The following SLC2A5 variants were observed in gnomAD, a reference collection of about 807,000 sequenced individuals.
SLC2A5 encodes solute carrier family 2, facilitated glucose transporter member 5.
A neutral mutation model predicts 50.3 loss-of-function variants in SLC2A5; 56 were observed. The observed-to-expected ratio is 1.11, with a 90% CI of 0.90 to 1.39. The LOEUF (loss-of-function observed/expected upper bound fraction) is 1.39. SLC2A5 is among the 40% of genes most tolerant of loss of function. SLC2A5 has a pLI of 0.00. For missense variants in SLC2A5, 566 were observed against 650.1 expected (o/e 0.87, Z 1.41); for synonymous variants, 269 against 281.9 (o/e 0.95, Z 0.46).
chr1:9,084,137 G>C (rs1264104306), intron 2 of SLC2A5, among the ~76,000 whole-genome samples: 2 of 151,164 alleles, frequency 1.3e-5, no homozygotes, highest in Admixed American at 6.6e-5. Context: ...GCGAGACTCC[G>C]TCTCAAAAAA....
chr1:9,091,753 G>C (rs1642464187), upstream of SLC2A5, among the ~76,000 whole-genome samples: 2 of 151,876 alleles, frequency 1.3e-5, no homozygotes, highest in Admixed American at 1.3e-4. Context: ...TTTATAGATG[G>C]GAGCGCATCA....
intron 3 of SLC2A5, among the ~76,000 whole-genome samples, chr1:9,049,900 A>G (rs1641526659): frequency 6.6e-6 from 1 of 152,082 alleles, no homozygotes; most frequent in Admixed American, 6.6e-5. Context: ...ACTTTTGGAC[A>G]CTGAGGTAGG....
chr1:9,048,784 T>C (rs929518960), intron 3 of SLC2A5, among the ~76,000 whole-genome samples: 1 of 151,964 alleles, frequency 6.6e-6, no homozygotes, highest in Non-Finnish European at 1.5e-5. Context: ...GCCTTCCAAG[T>C]AGCTAGGATT....
At chr1:9,038,559 C>T (rs1237247220) in intron 9 of SLC2A5, 53 bp from the exon 10 acceptor site, 42 of 1,517,164 alleles carry the variant, frequency 2.8e-5, no homozygotes, top group Non-Finnish European at 5.5e-6. Flanking sequence ...AGGACGGGAC[C>T]CCAGGGGGCG....
intron 1 of SLC2A5, among the ~76,000 whole-genome samples, chr1:9,087,812 G>A (rs76908754): frequency 0.033 from 5,016 of 152,102 alleles, 131 homozygotes; most frequent in Non-Finnish European, 0.047. Context: ...CAGGTATTTC[G>A]CTCTCTAGCA....
intron 2 of SLC2A5, among the ~76,000 whole-genome samples, chr1:9,077,437 C>CAA (rs200379022): frequency 3.0e-4 from 36 of 118,456 alleles, no homozygotes; most frequent in African/African-American, 1.0e-3. Flanking sequence ...CACAAAAAAA[C>CAA]AAAAAAAAAA....
Position 9,037,353 on chromosome 1 carries a change from T to C in SLC2A5, c.*233A>G. On this transcript the variant is annotated 3_prime_UTR_variant, in exon 12 of 12. Coordinates refer to ENST00000377424, the MANE Select transcript of SLC2A5 (RefSeq NM_003039.3). ...ACCAGCAAAGTGGAGGACCAGCTGT[T>C]TAATTGACTCGGGTCTGGTGACAGG... 1 of 509,880 alleles carries C rather than the reference T, an allele frequency of 2.0e-6. No homozygotes were observed. Among genetic ancestry groups the C allele is most frequent in the Non-Finnish European group, 3.5e-6 (1 of 281,774 alleles). The allele number at this position is 509,880 out of a possible 1,614,324, so 31.6% of individuals were successfully genotyped here. A position where few individuals can be genotyped will look rare whatever the true frequency, so the allele number is the denominator to read the frequency against.
chr1:9,086,718 G>T (rs1385081455), intron 1 of SLC2A5, among the ~76,000 whole-genome samples: 1 of 152,044 alleles, frequency 6.6e-6, no homozygotes, highest in Non-Finnish European at 1.5e-5. Flanking sequence ...AAGATAGTTT[G>T]GTGGGCAGTG....
At chr1:9,066,726 A>G (rs1218425380) in intron 1 of SLC2A5, among the ~76,000 whole-genome samples, 1 of 152,048 alleles carries the variant, frequency 6.6e-6, no homozygotes, top group Admixed American at 6.6e-5. Context: ...CAGGCCTACA[A>G]TCCAAGCACT....
At position 9,047,712 on chromosome 1, in the gene SLC2A5, T is replaced by C; in HGVS notation, c.316A>G (p.Asn106Asp). The C allele has an allele frequency of 6.2e-7, 1 of 1,614,016 alleles. No individual in the cohort carries two copies. The highest frequency in any genetic ancestry group is 1.1e-5 in the South Asian group (1 of 91,054). ...ATCGCAGGCACGATAGAAAATATGTTGTTGAACAGCAAGGCCCCTTTTCTG... is the reference window on the plus strand; with the variant it reads ...ATCGCAGGCACGATAGAAAATATGTCGTTGAACAGCAAGGCCCCTTTTCTG... ...FGRKGALLFN[N>D]IFSIVPAILM... The change falls in exon 4 of 12, where the codon AAC becomes GAC. Residue 106 changes from asparagine to aspartate, a missense_variant. Transcript: ENST00000377424.
chr1:9,040,997 T>C lies in SLC2A5; in HGVS notation c.571+788A>G, dbSNP rs2124317073. On this transcript the variant is annotated intron_variant, in intron 5 of 11. Coordinates refer to ENST00000377424, the MANE Select transcript of SLC2A5 (RefSeq NM_003039.3). This position sits in a 1 kb window ranked among gnomAD's most constrained non-coding sequence, Gnocchi z 4.3. ...TGATGCACCTGCAAAATGGGTATGATACTGGTACAGGCTTAATAGGGCTGT... is the reference window on the plus strand; with the variant it reads ...TGATGCACCTGCAAAATGGGTATGACACTGGTACAGGCTTAATAGGGCTGT... The C allele has an allele frequency of 6.1e-6, 1 of 164,744 alleles. No homozygotes were observed. The highest frequency in any genetic ancestry group is 1.3e-5 in the Non-Finnish European group (1 of 76,748). The allele number at this position is 164,744 out of a possible 1,614,324, so 10.2% of individuals were successfully genotyped here. A position where few individuals can be genotyped will look rare whatever the true frequency, so the allele number is the denominator to read the frequency against.
At chr1:9,091,851 G>T (rs6702164), upstream of SLC2A5, among the ~76,000 whole-genome samples, 1 of 151,920 alleles carries the variant, frequency 6.6e-6, no homozygotes, top group Non-Finnish European at 1.5e-5. Flanking sequence ...AGTCACAGAG[G>T]CTGCTCCCTT....
At chr1:9,073,615 C>A (rs904329397), upstream of SLC2A5, among the ~76,000 whole-genome samples, 5 of 152,246 alleles carry the variant, frequency 3.3e-5, no homozygotes, top group Non-Finnish European at 1.5e-5. Context: ...CTGTCACTTG[C>A]AGCTGAAACC....
chr1:9,088,486 C>T (rs995340128), upstream of SLC2A5: 1 of 152,264 alleles, frequency 6.6e-6, no homozygotes, highest in African/African-American at 2.4e-5. Context: ...CCGTTACCCA[C>T]TCAAAAACTA....
chr1:9,068,189 CA>C (rs755203801), intron 1 of SLC2A5, among the ~76,000 whole-genome samples: 8,285 of 76,798 alleles, frequency 0.11, 231 homozygotes, highest in Middle Eastern at 0.23. Flanking sequence ...GACTCTGTGT[CA>C]AAAAAAAAAA....
chr1:9,073,301 C>T (rs1642245722), upstream of SLC2A5, among the ~76,000 whole-genome samples: 2 of 152,236 alleles, frequency 1.3e-5, no homozygotes, highest in Non-Finnish European at 2.9e-5. Flanking sequence ...CTGCGGCTGC[C>T]CAAAATAAAG....
intron 3 of SLC2A5, among the ~76,000 whole-genome samples, chr1:9,052,249 A>T (rs1294839161): frequency 6.6e-6 from 1 of 152,140 alleles, no homozygotes; most frequent in Non-Finnish European, 1.5e-5. Context: ...GTGCCTCTGC[A>T]CTCCAGCCTG....
chr1:9,062,901 C>T (rs773750565), intron 1 of SLC2A5, among the ~76,000 whole-genome samples: 4 of 150,298 alleles, frequency 2.7e-5, no homozygotes, highest in Non-Finnish European at 4.4e-5. Flanking sequence ...AAATAAATTA[C>T]TCCAGCTACT....
upstream of SLC2A5, among the ~76,000 whole-genome samples, chr1:9,073,810 G>A (rs546577117): frequency 2.6e-5 from 4 of 152,288 alleles, no homozygotes; most frequent in Non-Finnish European, 5.9e-5. Flanking sequence ...AATGCTGGCC[G>A]GGCGCGGTGG....
Sources: allele counts gnomAD v4.1 joint callset (sites outside exome capture counted in the v4.1 genomes callset), GRCh38; gene constraint gnomAD v4.1.1; non-coding constraint Gnocchi (gnomAD v3.1); transcripts MANE v1.5; gene names NCBI Gene and HGNC (gene_info 2026-07-23, HGNC 2026-07-21).